The following RRP12 variants were observed in gnomAD, a reference collection of about 807,000 sequenced individuals.
The protein encoded by RRP12 is ribosomal RNA processing 12 homolog.
Under a neutral mutation model 157.3 loss-of-function variants are expected in RRP12, and 78 were observed. The ratio of observed to expected loss-of-function variants is 0.50; its 90% CI spans 0.41 to 0.60. RRP12 has a LOEUF of 0.60. Ranked by LOEUF, RRP12 falls within the 20% of genes least tolerant of loss-of-function variation. RRP12 has a pLI of 0.00. For missense variants in RRP12, 1,521 were observed against 1,679.9 expected (o/e 0.91, Z 1.65); for synonymous variants, 726 against 670.9 (o/e 1.08, Z -1.27).
Position 97,370,558 on chromosome 10 carries a change from C to A in RRP12, c.2586G>T (p.Val862=). ...CCGACACCTCCTTGGTGCACAGGAT[C>A]ACCTGGCCAAGACAACTCCATCAGC... The part of the protein sequence containing the change: ...KEFITALIPE[V]ILCTKEVSVG... Residue 862 remains valine, a splice_region_variant and synonymous_variant, in exon 23 of 34, where the codon GTG becomes GTT. Coordinates refer to ENST00000370992, the MANE Select transcript of RRP12 (RefSeq NM_015179.4). The A allele has an allele frequency of 6.2e-7, 1 of 1,610,252 alleles. No individual in the cohort carries two copies. The highest frequency in any genetic ancestry group is 8.5e-7 in the Non-Finnish European group (1 of 1,178,258).
intron 3 of RRP12, among the ~76,000 whole-genome samples, chr10:97,395,505 T>C (rs372539379): frequency 1.3e-5 from 2 of 149,228 alleles, no homozygotes; most frequent in Admixed American, 1.3e-4. Context: ...TGAACTGGGA[T>C]CGTGCCACTG....
rs1843724223 is a variant in RRP12, at chr10:97,356,828, T to C, written c.*266A>G. The C allele has an allele frequency of 1.3e-5, 5 of 392,762 alleles. No individual in the cohort carries two copies. The allele number at this position is 392,762 out of a possible 1,614,324, so 24.3% of individuals were successfully genotyped here. A position where few individuals can be genotyped will look rare whatever the true frequency, so the allele number is the denominator to read the frequency against. Reference sequence around the variant, plus strand: ...CATCTGTTCTGGTGCTCATGGCCACTCTGGGCAGAAAGCAAAGGTGCCTCA... The same window carrying C: ...CATCTGTTCTGGTGCTCATGGCCACCCTGGGCAGAAAGCAAAGGTGCCTCA... On this transcript the variant is annotated 3_prime_UTR_variant, in exon 34 of 34. Transcript: ENST00000370992.
intron 29 of RRP12, among the ~76,000 whole-genome samples, chr10:97,365,595 AAT>A (rs1306032369): frequency 6.6e-6 from 1 of 151,960 alleles, no homozygotes; most frequent in East Asian, 1.9e-4. Flanking sequence ...TTTCTTAGCT[AAT>A]GGCTGGATAT....
intron 6 of RRP12, 46 bp from the exon 7 acceptor site, chr10:97,388,670 C>G (rs753325971): frequency 6.2e-7 from 1 of 1,601,092 alleles, no homozygotes; most frequent in Non-Finnish European, 8.5e-7. Flanking sequence ...CAGCGTTCCA[C>G]CAGCATCTTG....
At chr10:97,365,224 C>T (rs928374569) in intron 29 of RRP12, among the ~76,000 whole-genome samples, 2 of 149,648 alleles carry the variant, frequency 1.3e-5, no homozygotes, top group South Asian at 2.1e-4. Flanking sequence ...GCTCGCAGCA[C>T]TGGGAACCAA....
intron 9 of RRP12, among the ~76,000 whole-genome samples, chr10:97,385,597 C>T (rs1844609248): frequency 6.6e-6 from 1 of 152,078 alleles, no homozygotes; most frequent in South Asian, 2.1e-4. Context: ...TATCCATCCA[C>T]AGACCTCTAA....
In RRP12 at chr10:97,390,720, C is replaced by G. The variant is rs929545130; in HGVS notation, c.636+19G>C. On this transcript the variant is annotated intron_variant, in intron 5 of 33. Coordinates refer to ENST00000370992, the MANE Select transcript of RRP12 (RefSeq NM_015179.4). ...GCTCTGGGAGTCGCCAGATGAGAAA[C>G]TAAACCCCAGACACTAACCCATCGG... 7 of 1,574,636 alleles carry G rather than the reference C, an allele frequency of 4.4e-6. No homozygotes were observed. The Middle Eastern group carries it at 5.0e-4, about 112-fold the overall frequency.
At chr10:97,392,088 T>C (rs1394459424) in intron 4 of RRP12, among the ~76,000 whole-genome samples, 1 of 150,522 alleles carries the variant, frequency 6.6e-6, no homozygotes, top group Admixed American at 6.6e-5. Context: ...CTGCAACCTC[T>C]ACCTCCCAAG....
chr10:97,371,827 G>A (rs879368965), intron 20 of RRP12: 15 of 430,378 alleles, frequency 3.5e-5, no homozygotes, highest in Non-Finnish European at 5.6e-5. Context: ...AAGGAGCATG[G>A]CCTTGGTTCT....
intron 30 of RRP12, 96 bp downstream of exon 30, chr10:97,363,758 G>A (rs1589411171): frequency 1.8e-6 from 2 of 1,124,662 alleles, no homozygotes; most frequent in Admixed American, 1.7e-5. Context: ...TCCAGAAACA[G>A]GGCAGTTCCA....
Position 97,380,782 on chromosome 10 carries a change from A to G in RRP12, c.1533+17T>C. On this transcript the variant is annotated intron_variant, in intron 13 of 33. Coordinates refer to ENST00000370992, the MANE Select transcript of RRP12 (RefSeq NM_015179.4). ...CAGCACCACTTCCTGCCCTGGCCCC[A>G]GCCGCTCCCCACTCACCTTCCTCAT... 6.3e-7 allele frequency: 1 copy of G among 1,591,238 alleles called. No homozygotes were observed. Among genetic ancestry groups the G allele is most frequent in the Non-Finnish European group, 8.6e-7 (1 of 1,159,130 alleles).
rs891261319 is a variant in RRP12 at position 97,388,117 on chromosome 10, G to A, written c.1017+135C>T. ...GCCTAGCCAAACACCACAGAGTAAC[G>A]TAGTGCTGTTGGTTTTAGCTTAAGA... On this transcript the variant is annotated intron_variant, in intron 8 of 33. Transcript: ENST00000370992. 17 of 1,123,212 alleles carry A rather than the reference G, an allele frequency of 1.5e-5. No individual in the cohort carries two copies. The African/African-American group carries it at 1.7e-4, about 11-fold the overall frequency. The allele number at this position is 1,123,212 out of a possible 1,614,324, so 69.6% of individuals were successfully genotyped here. A position where few individuals can be genotyped will look rare whatever the true frequency, so the allele number is the denominator to read the frequency against.
chr10:97,367,459 T>C, intron 25 of RRP12: 1 of 365,494 alleles, frequency 2.7e-6, no homozygotes, highest in Non-Finnish European at 5.1e-6. Context: ...ACCCCCTATT[T>C]ATAGAAGAGG....
chr10:97,376,670 A>G (rs777521993), intron 15 of RRP12, among the ~76,000 whole-genome samples: 2 of 151,990 alleles, frequency 1.3e-5, no homozygotes, highest in African/African-American at 2.4e-5. Flanking sequence ...CAGGGTGCTT[A>G]GCAGCATCCT....
intron 3 of RRP12, among the ~76,000 whole-genome samples, chr10:97,395,743 C>T (rs993540385): frequency 3.2e-4 from 48 of 150,548 alleles, no homozygotes; most frequent in Non-Finnish European, 5.8e-4. Flanking sequence ...CCCAGCTACT[C>T]GGGAGGCTGA....
chr10:97,357,822 G>A (rs1334900737), intron 33 of RRP12, among the ~76,000 whole-genome samples: 1 of 151,998 alleles, frequency 6.6e-6, no homozygotes, highest in Non-Finnish European at 1.5e-5. Flanking sequence ...AGCCGGGTGT[G>A]GTGGCGGGTG....
In RRP12 at chr10:97,357,175, T is replaced by TC; in HGVS notation, c.3812dup (p.Gln1272ThrfsTer40). On this transcript the variant is annotated frameshift_variant, in exon 34 of 34. Coordinates refer to ENST00000370992, the MANE Select transcript of RRP12 (RefSeq NM_015179.4). LOFTEE classifies it high-confidence loss of function. ...CAGCCTTCACCAGGCCTTTGAACTG[T>TC]CCCTGCAGCTTCATCTTCTTCCTGC... is the stretch of plus-strand genomic sequence containing the variant. 6.2e-7 allele frequency: 1 copy of TC among 1,610,510 alleles called. No individual in the cohort carries two copies.
At chr10:97,356,604 A>C (rs1843720764), downstream of RRP12, 1 of 153,862 alleles carries the variant, frequency 6.5e-6, no homozygotes, top group Non-Finnish European at 1.4e-5. Context: ...GGATGTAAGG[A>C]GTTAGACAGG....
intron 6 of RRP12, among the ~76,000 whole-genome samples, chr10:97,389,027 G>A (rs546695921): frequency 6.6e-6 from 1 of 152,298 alleles, no homozygotes; most frequent in East Asian, 1.9e-4. Flanking sequence ...CAGCTGGGAG[G>A]CAGAAAACAA....
Sources: allele counts gnomAD v4.1 joint callset (sites outside exome capture counted in the v4.1 genomes callset), GRCh38; gene constraint gnomAD v4.1.1; transcripts MANE v1.5; gene names NCBI Gene and HGNC (gene_info 2026-07-23, HGNC 2026-07-21).